The following RAPGEF1 variants were observed in gnomAD, a reference collection of about 807,000 sequenced individuals.
RAPGEF1 encodes CRK SH3-binding GNRP.
In RAPGEF1, 33 loss-of-function variants were observed where a neutral mutation model predicts 143.3. That is an observed-to-expected ratio of 0.23 (90% CI 0.17 to 0.31). The LOEUF (loss-of-function observed/expected upper bound fraction) is 0.31. Among genes scored for constraint, RAPGEF1 ranks in the 10% least tolerant of loss-of-function variants. The pLI, the probability that RAPGEF1 is intolerant of heterozygous loss-of-function variation, is 1.00. For synonymous variants in RAPGEF1, 629 were observed against 676.5 expected (o/e 0.93, Z 1.09); for missense variants, 1,199 against 1,645.4 (o/e 0.73, Z 4.69).
chr9:131,601,468 G>A (rs1192753042), intron 15 of RAPGEF1, among the ~76,000 whole-genome samples: 1 of 152,212 alleles, frequency 6.6e-6, no homozygotes, highest in Non-Finnish European at 1.5e-5. Context: ...AGATAATATA[G>A]GTGCAAACAA....
At chr9:131,735,893 A>G (rs533805792) in intron 1 of RAPGEF1, among the ~76,000 whole-genome samples, 4 of 152,290 alleles carry the variant, frequency 2.6e-5, no homozygotes, top group African/African-American at 9.6e-5. Flanking sequence ...AATATTGACC[A>G]TCAATTCTTT....
At chr9:131,714,075 G>T (rs1422731537) in intron 1 of RAPGEF1, among the ~76,000 whole-genome samples, 2 of 151,814 alleles carry the variant, frequency 1.3e-5, no homozygotes, top group Admixed American at 6.6e-5. Flanking sequence ...AAGAGACAGG[G>T]TCTCCCTATA....
intron 1 of RAPGEF1, among the ~76,000 whole-genome samples, chr9:131,670,732 G>T (rs992937981): frequency 1.3e-5 from 2 of 152,236 alleles, no homozygotes; most frequent in African/African-American, 4.8e-5. Context: ...TGGGAGGTGG[G>T]ATTATGGGTG....
chr9:131,585,294 C>T (rs1452976090), intron 22 of RAPGEF1, among the ~76,000 whole-genome samples: 1 of 152,288 alleles, frequency 6.6e-6, no homozygotes, highest in East Asian at 1.9e-4. Context: ...GATCCTTCTG[C>T]CCCAGCTTCC....
chr9:131,578,646 C>T lies in RAPGEF1; in HGVS notation c.*851G>A, dbSNP rs1026023678. 1 of 152,318 alleles carries T rather than the reference C, an allele frequency of 6.6e-6. No homozygotes were observed. Among genetic ancestry groups the T allele is most frequent in the African/African-American group, 2.4e-5 (1 of 41,462 alleles). The allele number at this position is 152,318 out of a possible 1,614,324, so 9.4% of individuals were successfully genotyped here. A position where few individuals can be genotyped will look rare whatever the true frequency, so the allele number is the denominator to read the frequency against. ...TGAATTAACTCCCCCAGGAGCTCAG[C>T]TCTGGCCTCAGTTTGGTGAGGTTCA... On this transcript the variant is annotated 3_prime_UTR_variant, in exon 27 of 27. Transcript: ENST00000683357.
intron 1 of RAPGEF1, among the ~76,000 whole-genome samples, chr9:131,671,431 C>T (rs926166385): frequency 1.3e-5 from 2 of 152,220 alleles, no homozygotes; most frequent in African/African-American, 2.4e-5. Flanking sequence ...AAAACCAAGT[C>T]CCAGTTCTGG....
intron 1 of RAPGEF1, among the ~76,000 whole-genome samples, chr9:131,685,725 C>T (rs1195211662): frequency 6.6e-6 from 1 of 152,222 alleles, no homozygotes; most frequent in Non-Finnish European, 1.5e-5. Flanking sequence ...TGATTTCCCA[C>T]TTCACACCTC....
chr9:131,586,595 G>A (rs1349266272), intron 22 of RAPGEF1, among the ~76,000 whole-genome samples: 2 of 94,098 alleles, frequency 2.1e-5, no homozygotes, highest in South Asian at 4.1e-4. Context: ...CCTGCAGAGC[G>A]AGACTCCGTC....
chr9:131,589,904 C>T lies in RAPGEF1; in HGVS notation c.2849G>A (p.Arg950Gln). 6 of 1,613,798 alleles carry T rather than the reference C, an allele frequency of 3.7e-6. No individual in the cohort carries two copies. The highest frequency in any genetic ancestry group is 5.1e-6 in the Non-Finnish European group (6 of 1,179,774). Residue 950 changes from arginine to glutamine, a missense_variant, in exon 19 of 27, where the codon CGG becomes CAG. Physicochemically the swap from Arg to Gln is conservative, Grantham distance 43. This residue lies in a region of RAPGEF1 where 209 missense variants were observed against 403.0 expected (regional missense o/e 0.52). Coordinates refer to ENST00000683357, the MANE Select transcript of RAPGEF1 (RefSeq NM_001377935.1). ...CACTCACCAGAGCTCATCCACCACC[C>T]GTACCAGCACGAAGAACGTGTTCTT... ...VSKNTFFVLV[R>Q]VVDELCLVEL...
intron 4 of RAPGEF1, 89 bp from the exon 5 acceptor site, chr9:131,638,880 T>C (rs1966915478): frequency 3.0e-6 from 4 of 1,347,288 alleles, no homozygotes; most frequent in South Asian, 1.4e-5. Flanking sequence ...CAAGGGTGTG[T>C]TTCTCCAACT....
intron 5 of RAPGEF1, among the ~76,000 whole-genome samples, chr9:131,632,532 C>G (rs747332098): frequency 6.6e-6 from 1 of 152,120 alleles, no homozygotes; most frequent in African/African-American, 2.4e-5. Flanking sequence ...CATAAGATTA[C>G]GTATCATTAA....
intron 1 of RAPGEF1, among the ~76,000 whole-genome samples, chr9:131,702,138 T>C (rs1469985508): frequency 1.3e-5 from 2 of 152,230 alleles, no homozygotes; most frequent in Non-Finnish European, 2.9e-5. Flanking sequence ...AATGGTTAGC[T>C]CTCTACAGAA....
chr9:131,604,826 G>A, intron 13 of RAPGEF1, 105 bp downstream of exon 13: 1 of 1,204,828 alleles, frequency 8.3e-7, no homozygotes, highest in Non-Finnish European at 1.1e-6. Context: ...TAAAGGGGAG[G>A]CAGTGTCTTT....
At position 131,636,857 on chromosome 9, in the gene RAPGEF1, T is replaced by C. The variant is rs529831928; in HGVS notation, c.651+1778A>G. Reference sequence around the variant, plus strand: ...TCCTGGAAAGGGCCATCAGCTCTGATCACAACAGCCACCCTGGGCTACATC... The same window carrying C: ...TCCTGGAAAGGGCCATCAGCTCTGACCACAACAGCCACCCTGGGCTACATC... On this transcript the variant is annotated intron_variant, in intron 5 of 26. Coordinates refer to ENST00000683357, the MANE Select transcript of RAPGEF1 (RefSeq NM_001377935.1). 1.3e-4 allele frequency among the ~76,000 whole-genome samples: 20 copies of C among 152,278 alleles called. 1 individual carries two copies. In the South Asian group the frequency reaches 3.5e-3, roughly 27 times the overall value.
intron 15 of RAPGEF1, 71 bp from the exon 16 acceptor site, chr9:131,598,381 G>T: frequency 1.5e-6 from 2 of 1,334,170 alleles, no homozygotes; most frequent in Non-Finnish European, 2.1e-6. Flanking sequence ...GGCCAAGGCA[G>T]TGCCGGTGTG....
chr9:131,594,214 A>T (rs1954850277), intron 17 of RAPGEF1, among the ~76,000 whole-genome samples: 2 of 152,144 alleles, frequency 1.3e-5, no homozygotes, highest in African/African-American at 4.8e-5. Context: ...TCTAGAGATC[A>T]CAGGACTCTC....
intron 1 of RAPGEF1, among the ~76,000 whole-genome samples, chr9:131,715,505 C>T (rs1248449192): frequency 6.6e-6 from 1 of 152,030 alleles, no homozygotes; most frequent in African/African-American, 2.4e-5. Flanking sequence ...CGGCAAACCA[C>T]GTGTTCATTC....
chr9:131,716,250 C>G (rs573933417), intron 1 of RAPGEF1, among the ~76,000 whole-genome samples: 10 of 152,318 alleles, frequency 6.6e-5, no homozygotes, highest in South Asian at 6.2e-4. Flanking sequence ...AAGGACCCCC[C>G]CAATGATACA....
At chr9:131,645,196 G>C (rs1042036223) in intron 3 of RAPGEF1, among the ~76,000 whole-genome samples, 1 of 152,238 alleles carries the variant, frequency 6.6e-6, no homozygotes, top group South Asian at 2.1e-4. Context: ...ACCTGAGTGT[G>C]AAGGAGTCGC....
Sources: allele counts gnomAD v4.1 joint callset (sites outside exome capture counted in the v4.1 genomes callset), GRCh38; gene constraint gnomAD v4.1.1; regional missense constraint gnomAD v4.1.1; transcripts MANE v1.5; gene names NCBI Gene and HGNC (gene_info 2026-07-23, HGNC 2026-07-21).